SNTB2: variants seen among roughly 807,000 people sequenced by gnomAD.
The protein encoded by SNTB2 is syntrophin beta 2.
A neutral mutation model predicts 46.2 loss-of-function variants in SNTB2; 34 were observed. The ratio of observed to expected loss-of-function variants is 0.74; its 90% CI spans 0.56 to 0.98. The LOEUF is 0.98. Ranked by LOEUF, SNTB2 falls within the 50% of genes least tolerant of loss-of-function variation. The probability of loss-of-function intolerance (pLI) is 0.00; values close to 1 mark genes in which losing one functional copy is unlikely to be tolerated. For missense variants in SNTB2, 603 were observed against 731.4 expected (o/e 0.82, Z 2.02); for synonymous variants, 290 against 312.6 (o/e 0.93, Z 0.76).
intron 3 of SNTB2, 33 bp downstream of exon 3, chr16:69,260,293 G>T: frequency 1.3e-6 from 2 of 1,598,050 alleles, no homozygotes; most frequent in Non-Finnish European, 1.7e-6. Context: ...GTATCACCTG[G>T]TTCCCATTCA....
chr16:69,233,087 A>G (rs574728217), intron 1 of SNTB2, among the ~76,000 whole-genome samples: 1 of 152,190 alleles, frequency 6.6e-6, no homozygotes, highest in African/African-American at 2.4e-5. Flanking sequence ...CCTAAATCAC[A>G]TCTTAGAAAT....
Position 69,306,525 on chromosome 16 carries a change from C to T in SNTB2, c.*5601C>T, listed in dbSNP as rs897140725. ...CATTTGATCATATTCAACAGAAATC[C>T]ACCATATAAACCATAATCCTTGAAT... On this transcript the variant is annotated 3_prime_UTR_variant, in exon 7 of 7. Coordinates refer to ENST00000336278, the MANE Select transcript of SNTB2 (RefSeq NM_006750.4). 2.6e-5 allele frequency: 4 copies of T among 152,328 alleles called. No individual in the cohort carries two copies. The South Asian group carries it at 6.2e-4, about 24-fold the overall frequency. The allele number at this position is 152,328 out of a possible 1,614,324, so 9.4% of individuals were successfully genotyped here.
chr16:69,189,795 C>T (rs978649370), intron 1 of SNTB2, among the ~76,000 whole-genome samples: 1 of 152,168 alleles, frequency 6.6e-6, no homozygotes, highest in Non-Finnish European at 1.5e-5. Flanking sequence ...TAGTTTGAAC[C>T]TAGTATTCAG....
chr16:69,272,685 A>T (rs1189481849), intron 4 of SNTB2, among the ~76,000 whole-genome samples: 1 of 151,836 alleles, frequency 6.6e-6, no homozygotes. Flanking sequence ...TGAGGTCAGG[A>T]GCTCGAGACC....
chr16:69,225,458 C>T (rs1335394442), intron 1 of SNTB2, among the ~76,000 whole-genome samples: 1 of 152,108 alleles, frequency 6.6e-6, no homozygotes, highest in African/African-American at 2.4e-5. Context: ...GTGGAAATTT[C>T]GTTGTCTCGT....
rs373557673 is a variant in SNTB2, at chr16:69,279,305, T to C, written c.1149-4743T>C. On this transcript the variant is annotated intron_variant, in intron 4 of 6. Transcript: ENST00000336278. Reference sequence around the variant, plus strand: ...GTGACTGGCTAAGTGTGGTAGATTATGACAGTATTTCCTTTTTTAGGCTGA... The same window carrying C: ...GTGACTGGCTAAGTGTGGTAGATTACGACAGTATTTCCTTTTTTAGGCTGA... Among the ~76,000 whole-genome samples, 3 of 152,264 alleles carry C rather than the reference T, an allele frequency of 2.0e-5. No homozygotes were observed. In the East Asian group the frequency reaches 5.8e-4, roughly 29 times the overall value.
chr16:69,187,859 C>T (rs1186405842), intron 1 of SNTB2, 113 bp downstream of exon 1: 2 of 888,866 alleles, frequency 2.3e-6, no homozygotes, highest in African/African-American at 1.8e-5. Context: ...CGTCTCTCTC[C>T]AAACCCGGGT....
intron 3 of SNTB2, among the ~76,000 whole-genome samples, chr16:69,267,170 G>T (rs1282481768): frequency 6.6e-6 from 1 of 152,096 alleles, no homozygotes; most frequent in African/African-American, 2.4e-5. Flanking sequence ...TGGGACTACA[G>T]GCGCGTGCCA....
chr16:69,267,707 G>T (rs1225148532), intron 3 of SNTB2, among the ~76,000 whole-genome samples: 1 of 152,200 alleles, frequency 6.6e-6, no homozygotes, highest in East Asian at 1.9e-4. Context: ...TCTAGCTCGT[G>T]GCCTTGGCTA....
At chr16:69,264,979 G>C (rs1054876240) in intron 3 of SNTB2, among the ~76,000 whole-genome samples, 4 of 152,226 alleles carry the variant, frequency 2.6e-5, no homozygotes, top group African/African-American at 9.6e-5. Context: ...GCCGGGCACG[G>C]TGGCTCATGC....
At chr16:69,288,141 A>T (rs1034728759) in intron 5 of SNTB2, among the ~76,000 whole-genome samples, 1 of 152,156 alleles carries the variant, frequency 6.6e-6, no homozygotes, top group Non-Finnish European at 1.5e-5. Flanking sequence ...AGGCCAACAC[A>T]TTCATGCCGT....
intron 6 of SNTB2, 146 bp downstream of exon 6, chr16:69,299,920 G>A: frequency 2.6e-6 from 2 of 758,808 alleles, no homozygotes; most frequent in Non-Finnish European, 4.1e-6. Flanking sequence ...TTTAAAGATG[G>A]GGTCTCTGTC....
intron 1 of SNTB2, 133 bp from the exon 2 acceptor site, chr16:69,245,469 A>G: frequency 2.4e-6 from 2 of 831,368 alleles, no homozygotes; most frequent in South Asian, 3.2e-5. Context: ...TGCTGGGATT[A>G]CAGGAGTGAG....
rs1314812837 is a variant in SNTB2 at position 69,195,367 on chromosome 16, C to T, written c.580+7621C>T. On this transcript the variant is annotated intron_variant, in intron 1 of 6. Transcript: ENST00000336278. ...CTTACTGCAGCCCTGAACTCTTGGG[C>T]TCAGGTGATCCTCTTGCCTTAACCT... Among the ~76,000 whole-genome samples the T allele has an allele frequency of 2.0e-5, 3 of 151,886 alleles. No homozygotes were observed. The East Asian group carries it at 5.8e-4, about 29-fold the overall frequency.
At chr16:69,296,578 C>T (rs535366440) in intron 5 of SNTB2, among the ~76,000 whole-genome samples, 1 of 150,344 alleles carries the variant, frequency 6.7e-6, no homozygotes, top group South Asian at 2.1e-4. Flanking sequence ...AAAAATCAGC[C>T]AGGCCTGGTG....
chr16:69,292,658 G>C (rs904150608), intron 5 of SNTB2, among the ~76,000 whole-genome samples: 1 of 132,366 alleles, frequency 7.6e-6, no homozygotes, highest in Non-Finnish European at 1.6e-5. Flanking sequence ...TCACCCTGTT[G>C]GCCAGGCTGG....
intron 4 of SNTB2, among the ~76,000 whole-genome samples, chr16:69,272,092 C>A (rs1012124158): frequency 6.6e-6 from 1 of 152,212 alleles, no homozygotes; most frequent in Non-Finnish European, 1.5e-5. Flanking sequence ...ACCAAAAGCA[C>A]AGTTAACAAG....
At chr16:69,199,615 G>A (rs1027219254) in intron 1 of SNTB2, among the ~76,000 whole-genome samples, 28 of 105,926 alleles carry the variant, frequency 2.6e-4, no homozygotes, top group Non-Finnish European at 5.7e-4. Context: ...AAAAAAAGGC[G>A]ATCTTTTTCT....
intron 2 of SNTB2, among the ~76,000 whole-genome samples, chr16:69,251,128 G>A (rs1597187195): frequency 6.6e-6 from 1 of 150,556 alleles, no homozygotes; most frequent in African/African-American, 2.4e-5. Flanking sequence ...ACAGGCTCCC[G>A]CCACTACGCC....
Sources: gnomAD v4.1 joint callset for allele counts (sites outside exome capture counted in the v4.1 genomes callset) on GRCh38, gnomAD v4.1.1 for gene constraint, MANE v1.5 for transcripts, NCBI Gene and HGNC (gene_info 2026-07-23, HGNC 2026-07-21) for gene names.